The following OR8U1 variants were observed in gnomAD, a reference collection of about 807,000 sequenced individuals.
OR8U1 encodes the protein olfactory receptor 8U1.
For missense variants in OR8U1, 371 were observed against 362.5 expected (o/e 1.02, Z -0.19); for synonymous variants, 123 against 128.9 (o/e 0.95, Z 0.31).
In OR8U1 at chr11:56,376,349, C is replaced by T. The variant is rs1852800491; in HGVS notation, c.726C>T (p.Gly242=). 1 of 1,614,262 alleles carries T rather than the reference C, an allele frequency of 6.2e-7. No homozygotes were observed. Among genetic ancestry groups the T allele is most frequent in the Non-Finnish European group, 8.5e-7 (1 of 1,180,024 alleles). ...EGRQKAFSTC[G]SHMLAVTIFY... is the part of the protein sequence containing the mutation. ...GACAGAAGGCTTTCTCGACGTGTGGCTCTCACATGCTGGCAGTCACCATAT... is the reference window on the plus strand; with the variant it reads ...GACAGAAGGCTTTCTCGACGTGTGGTTCTCACATGCTGGCAGTCACCATAT... Residue 242 remains glycine, a synonymous_variant, in exon 1 of 1, where the codon GGC becomes GGT. Transcript: ENST00000302270.
rs1389311151 is a variant in OR8U1 at position 56,376,139 on chromosome 11, C to T, written c.516C>T (p.Asn172=). 10 of 1,614,234 alleles carry T rather than the reference C, an allele frequency of 6.2e-6. No individual in the cohort carries two copies. The highest frequency in any genetic ancestry group is 8.5e-6 in the Non-Finnish European group (10 of 1,180,006). The part of the protein sequence containing the change: ...LTFRLSYCHS[N]IVNHFYCDDM... ...TCCGCCTCTCCTATTGCCACTCCAACATTGTCAACCATTTCTATTGTGATG... is the reference window on the plus strand; with the variant it reads ...TCCGCCTCTCCTATTGCCACTCCAATATTGTCAACCATTTCTATTGTGATG... The change falls in exon 1 of 1, where the codon AAC becomes AAT. Residue 172 remains asparagine, a synonymous_variant. Coordinates refer to ENST00000302270, the MANE Select transcript of OR8U1 (RefSeq NM_001005204.1).
In OR8U1 at chr11:56,375,689, G is replaced by A. The variant is rs1388710624; in HGVS notation, c.66G>A (p.Glu22=). 5 of 1,613,828 alleles carry A rather than the reference G, an allele frequency of 3.1e-6. No individual in the cohort carries two copies. The East Asian group carries it at 6.7e-5, about 22-fold the overall frequency. Residue 22 remains glutamate, a synonymous_variant, in exon 1 of 1, where the codon GAG becomes GAA. Transcript: ENST00000302270. ...TTGTGGGCCTCACAGACCATCAGGA[G>A]TTGAAGATGCCCCTCTTTGTGCTAT... ...FILVGLTDHQ[E]LKMPLFVLFL...
Position 56,376,157 on chromosome 11 carries a change from T to C in OR8U1, c.534T>C (p.Tyr178=). The C allele has an allele frequency of 6.2e-7, 1 of 1,614,264 alleles. No individual in the cohort carries two copies. The highest frequency in any genetic ancestry group is 8.5e-7 in the Non-Finnish European group (1 of 1,180,030). Residue 178 remains tyrosine, a synonymous_variant, in exon 1 of 1, where the codon TAT becomes TAC. Transcript: ENST00000302270. ...YCHSNIVNHF[Y]CDDMPLLRLT... ...ACTCCAACATTGTCAACCATTTCTA[T>C]TGTGATGACATGCCTCTCCTCAGGC...
At position 56,375,820 on chromosome 11, in the gene OR8U1, T is replaced by C; in HGVS notation, c.197T>C (p.Leu66Pro). 5 of 1,614,168 alleles carry C rather than the reference T, an allele frequency of 3.1e-6. No homozygotes were observed. The highest frequency in any genetic ancestry group is 4.2e-6 in the Non-Finnish European group (5 of 1,179,998). ...NTPMYFFLSN[L>P]AFVDFCYSSV... is the part of the protein sequence containing the mutation. Reference sequence around the variant, plus strand: ...CCAATGTACTTCTTTCTTAGCAACCTAGCTTTTGTGGATTTCTGTTACTCT... The same window carrying C: ...CCAATGTACTTCTTTCTTAGCAACCCAGCTTTTGTGGATTTCTGTTACTCT... The change falls in exon 1 of 1, where the codon CTA becomes CCA. Residue 66 changes from leucine (L) to proline (P), a missense_variant. Coordinates refer to ENST00000302270, the MANE Select transcript of OR8U1 (RefSeq NM_001005204.1).
In OR8U1 at chr11:56,375,987, C is replaced by T. The variant is rs778753017; in HGVS notation, c.364C>T (p.Arg122Ter). ...GCTACTGGCTTCCATGGCCTATGAC[C>T]GATATGTGGCCATTTGTAACCCTCT... ...SLLLASMAYD[R>*]YVAICNPLLY... Residue 122 changes from arginine to a stop codon, truncating the protein, a stop_gained, in exon 1 of 1, where the codon CGA (arginine) becomes TGA (stop). Transcript: ENST00000302270. LOFTEE classifies it low-confidence loss of function (END_TRUNC). 5.6e-5 allele frequency: 91 copies of T among 1,614,134 alleles called. No homozygotes were observed. Among genetic ancestry groups the T allele is most frequent in the Admixed American group, 2.7e-4 (16 of 60,012 alleles).
In OR8U1 at chr11:56,375,807, T is replaced by C. The variant is rs1852782224; in HGVS notation, c.184T>C (p.Phe62Leu). ...DTSLNTPMYFFLSNLAFVDFC... is the reference protein window; with the variant it reads ...DTSLNTPMYFLLSNLAFVDFC... ...AAGTCTCAACACACCAATGTACTTC[T>C]TTCTTAGCAACCTAGCTTTTGTGGA... The change falls in exon 1 of 1, where the codon TTT becomes CTT. Residue 62 changes from phenylalanine (F) to leucine (L), a missense_variant. Phe to Leu is a conservative substitution (Grantham distance 22). Coordinates refer to ENST00000302270, the MANE Select transcript of OR8U1 (RefSeq NM_001005204.1). 6.2e-7 allele frequency: 1 copy of C among 1,614,194 alleles called. No homozygotes were observed. The highest frequency in any genetic ancestry group is 8.5e-7 in the Non-Finnish European group (1 of 1,180,012).
chr11:56,376,181 G>T lies in OR8U1; in HGVS notation c.558G>T (p.Arg186Ser). The change falls in exon 1 of 1, where the codon AGG becomes AGT. Residue 186 changes from arginine to serine, a missense_variant. Coordinates refer to ENST00000302270, the MANE Select transcript of OR8U1 (RefSeq NM_001005204.1). ...HFYCDDMPLL[R>S]LTCSDTRFKQ... ...ATTGTGATGACATGCCTCTCCTCAG[G>T]CTAACTTGCTCAGACACTCGCTTCA... 2 of 1,614,288 alleles carry T rather than the reference G, an allele frequency of 1.2e-6. No homozygotes were observed. Among genetic ancestry groups the T allele is most frequent in the Non-Finnish European group, 1.7e-6 (2 of 1,180,048 alleles).
Position 56,375,788 on chromosome 11 carries a change from C to A in OR8U1, c.165C>A (p.Leu55=), listed in dbSNP as rs762866026. ...LILLIRADTS[L]NTPMYFFLSN... ...TACTCATTAGAGCGGATACAAGTCTCAACACACCAATGTACTTCTTTCTTA... is the reference window on the plus strand; with the variant it reads ...TACTCATTAGAGCGGATACAAGTCTAAACACACCAATGTACTTCTTTCTTA... The change falls in exon 1 of 1, where the codon CTC becomes CTA. Residue 55 remains leucine (L), a synonymous_variant. Transcript: ENST00000302270. 2 of 1,614,188 alleles carry A rather than the reference C, an allele frequency of 1.2e-6. No homozygotes were observed. The highest frequency in any genetic ancestry group is 1.7e-6 in the Non-Finnish European group (2 of 1,179,998).
Position 56,376,440 on chromosome 11 carries a change from A to T in OR8U1, c.817A>T (p.Met273Leu). 1 of 1,614,278 alleles carries T rather than the reference A, an allele frequency of 6.2e-7. No homozygotes were observed. The highest frequency in any genetic ancestry group is 8.5e-7 in the Non-Finnish European group (1 of 1,180,048). Residue 273 changes from methionine to leucine, a missense_variant, in exon 1 of 1, where the codon ATG becomes TTG. Coordinates refer to ENST00000302270, the MANE Select transcript of OR8U1 (RefSeq NM_001005204.1). ...TAGCCATGCCCTGGACACAGACAAG[A>T]TGGCCTCTGTCTTCTACACAGTGAT... is the stretch of plus-strand genomic sequence containing the variant. ...SSSHALDTDK[M>L]ASVFYTVIIP...
In OR8U1 at chr11:56,376,354, A is replaced by G. The variant is rs1465948066; in HGVS notation, c.731A>G (p.His244Arg). The G allele has an allele frequency of 1.2e-6, 2 of 1,614,270 alleles. No individual in the cohort carries two copies. The highest frequency in any genetic ancestry group is 2.7e-5 in the African/African-American group (2 of 75,082). ...AAGGCTTTCTCGACGTGTGGCTCTC[A>G]CATGCTGGCAGTCACCATATTCTAT... ...RQKAFSTCGSHMLAVTIFYGT... is the reference protein window; with the variant it reads ...RQKAFSTCGSRMLAVTIFYGT... The change falls in exon 1 of 1, where the codon CAC (histidine) becomes CGC (arginine). Residue 244 changes from histidine (H) to arginine (R), a missense_variant. Coordinates refer to ENST00000302270, the MANE Select transcript of OR8U1 (RefSeq NM_001005204.1).
At position 56,376,152 on chromosome 11, in the gene OR8U1, T is replaced by C. The variant is rs1048365066; in HGVS notation, c.529T>C (p.Phe177Leu). 9.3e-6 allele frequency: 15 copies of C among 1,614,118 alleles called. 1 individual carries two copies. The Admixed American group carries it at 2.3e-4, about 25-fold the overall frequency. The change falls in exon 1 of 1, where the codon TTC (phenylalanine) becomes CTC (leucine). Residue 177 changes from phenylalanine to leucine, a missense_variant. Physicochemically the swap from Phe to Leu is conservative, Grantham distance 22 (BLOSUM62 0). Coordinates refer to ENST00000302270, the MANE Select transcript of OR8U1 (RefSeq NM_001005204.1). ...TTGCCACTCCAACATTGTCAACCATTTCTATTGTGATGACATGCCTCTCCT... is the reference window on the plus strand; with the variant it reads ...TTGCCACTCCAACATTGTCAACCATCTCTATTGTGATGACATGCCTCTCCT... ...SYCHSNIVNHFYCDDMPLLRL... is the reference protein window; with the variant it reads ...SYCHSNIVNHLYCDDMPLLRL...
rs755444903 is a variant in OR8U1 at position 56,376,201 on chromosome 11, G to A, written c.578G>A (p.Arg193His). The A allele has an allele frequency of 4.1e-5, 66 of 1,614,036 alleles. No individual in the cohort carries two copies. The highest frequency in any genetic ancestry group is 9.9e-5 in the South Asian group (9 of 91,094). The change falls in exon 1 of 1, where the codon CGC (arginine) becomes CAC (histidine). Residue 193 changes from arginine (R) to histidine (H), a missense_variant. Arg to His is a conservative substitution (Grantham distance 29, BLOSUM62 0). Coordinates refer to ENST00000302270, the MANE Select transcript of OR8U1 (RefSeq NM_001005204.1). Reference protein sequence around the residue: ...PLLRLTCSDTRFKQLWIFACA... With the variant: ...PLLRLTCSDTHFKQLWIFACA... ...CTCAGGCTAACTTGCTCAGACACTC[G>A]CTTCAAACAGCTCTGGATCTTTGCC...
At position 56,376,317 on chromosome 11, in the gene OR8U1, G is replaced by A; in HGVS notation, c.694G>A (p.Glu232Lys). The change falls in exon 1 of 1, where the codon GAG (glutamate) becomes AAG (lysine). Residue 232 changes from glutamate to lysine, a missense_variant. Glu to Lys is a moderately conservative substitution (Grantham distance 56). Coordinates refer to ENST00000302270, the MANE Select transcript of OR8U1 (RefSeq NM_001005204.1). ...ISAILRMHSAEGRQKAFSTCG... is the reference protein window; with the variant it reads ...ISAILRMHSAKGRQKAFSTCG... Reference sequence around the variant, plus strand: ...TGCCATCCTGAGGATGCATTCAGCTGAGGGAAGACAGAAGGCTTTCTCGAC... The same window carrying A: ...TGCCATCCTGAGGATGCATTCAGCTAAGGGAAGACAGAAGGCTTTCTCGAC... 6.2e-7 allele frequency: 1 copy of A among 1,614,256 alleles called. No individual in the cohort carries two copies. Among genetic ancestry groups the A allele is most frequent in the Non-Finnish European group, 8.5e-7 (1 of 1,180,036 alleles).
In OR8U1 at chr11:56,376,298, C is replaced by G; in HGVS notation, c.675C>G (p.Ile225Met). ...FVSYMFIISAILRMHSAEGRQ... is the reference protein window; with the variant it reads ...FVSYMFIISAMLRMHSAEGRQ... ...CCTACATGTTCATCATTTCTGCCATCCTGAGGATGCATTCAGCTGAGGGAA... is the reference window on the plus strand; with the variant it reads ...CCTACATGTTCATCATTTCTGCCATGCTGAGGATGCATTCAGCTGAGGGAA... The change falls in exon 1 of 1, where the codon ATC becomes ATG. Residue 225 changes from isoleucine (I) to methionine (M), a missense_variant. Coordinates refer to ENST00000302270, the MANE Select transcript of OR8U1 (RefSeq NM_001005204.1). 6.2e-7 allele frequency: 1 copy of G among 1,614,266 alleles called. No homozygotes were observed. The highest frequency in any genetic ancestry group is 2.2e-5 in the East Asian group (1 of 44,894).
In OR8U1 at chr11:56,375,931, GCT is replaced by G. The variant is rs1852785524; in HGVS notation, c.309_310del (p.Phe104SerfsTer17). 6.2e-7 allele frequency: 1 copy of G among 1,613,804 alleles called. No homozygotes were observed. On this transcript the variant is annotated frameshift_variant, in exon 1 of 1. Coordinates refer to ENST00000302270, the MANE Select transcript of OR8U1 (RefSeq NM_001005204.1). LOFTEE classifies it low-confidence loss of function (END_TRUNC). ...GATGCATGTGCTACTCAACTGGGCT[GCT>G]TTCTCACCTTCATGATATCAGAATC...
At position 56,375,852 on chromosome 11, in the gene OR8U1, A is replaced by G. The variant is rs777026914; in HGVS notation, c.229A>G (p.Ile77Val). ...AFVDFCYSSV[I>V]TPKMLGNFLY... ...TGTGGATTTCTGTTACTCTTCTGTC[A>G]TTACACCCAAAATGCTTGGGAATTT... Residue 77 changes from isoleucine to valine, a missense_variant, in exon 1 of 1, where the codon ATT becomes GTT. Ile to Val is a conservative substitution (Grantham distance 29). Transcript: ENST00000302270. 6.2e-7 allele frequency: 1 copy of G among 1,614,058 alleles called. No individual in the cohort carries two copies. Among genetic ancestry groups the G allele is most frequent in the Non-Finnish European group, 8.5e-7 (1 of 1,180,014 alleles).
At position 56,375,935 on chromosome 11, in the gene OR8U1, T is replaced by A; in HGVS notation, c.312T>A (p.Phe104Leu). 1 of 1,531,060 alleles carries A rather than the reference T, an allele frequency of 6.5e-7. No individual in the cohort carries two copies. The allele number at this position is 1,531,060 out of a possible 1,614,324, so 94.8% of individuals were successfully genotyped here. Residue 104 changes from phenylalanine (F) to leucine (L), a missense_variant, in exon 1 of 1, where the codon TTT becomes TTA. Physicochemically the swap from Phe to Leu is conservative, Grantham distance 22 (BLOSUM62 0). Transcript: ENST00000302270. ...CATGTGCTACTCAACTGGGCTGCTTTCTCACCTTCATGATATCAGAATCCT... is the reference window on the plus strand; with the variant it reads ...CATGTGCTACTCAACTGGGCTGCTTACTCACCTTCATGATATCAGAATCCT... Reference protein sequence around the residue: ...FDACATQLGCFLTFMISESLL... With the variant: ...FDACATQLGCLLTFMISESLL...
rs757921097 is a variant in OR8U1 at position 56,376,512 on chromosome 11, G to A, written c.889G>A (p.Val297Met). ...AATCTATAGCCTCCAGAATAAGGAG[G>A]TGAAAGAAGCTCTGAAGAAAATCAT... ...PLIYSLQNKEVKEALKKIIIN... is the reference protein window; with the variant it reads ...PLIYSLQNKEMKEALKKIIIN... Residue 297 changes from valine to methionine, a missense_variant, in exon 1 of 1, where the codon GTG becomes ATG. Physicochemically the swap from Val to Met is conservative, Grantham distance 21. Coordinates refer to ENST00000302270, the MANE Select transcript of OR8U1 (RefSeq NM_001005204.1). The A allele has an allele frequency of 1.9e-6, 3 of 1,598,298 alleles. No individual in the cohort carries two copies. Among genetic ancestry groups the A allele is most frequent in the East Asian group, 2.2e-5 (1 of 44,778 alleles).
In OR8U1 at chr11:56,375,969, G is replaced by T; in HGVS notation, c.346G>T (p.Ala116Ser). ...TFMISESLLL[A>S]SMAYDRYVAI... ...CATGATATCAGAATCCTTGCTACTG[G>T]CTTCCATGGCCTATGACCGATATGT... Residue 116 changes from alanine (A) to serine (S), a missense_variant, in exon 1 of 1, where the codon GCT becomes TCT. Coordinates refer to ENST00000302270, the MANE Select transcript of OR8U1 (RefSeq NM_001005204.1). 3 of 1,614,126 alleles carry T rather than the reference G, an allele frequency of 1.9e-6. No homozygotes were observed. The highest frequency in any genetic ancestry group is 2.5e-6 in the Non-Finnish European group (3 of 1,179,988).
Sources: allele counts gnomAD v4.1 joint callset, GRCh38; gene constraint gnomAD v4.1.1; transcripts MANE v1.5; gene names NCBI Gene and HGNC (gene_info 2026-07-23, HGNC 2026-07-21).